The following CXCL14 variants were observed in gnomAD, a reference collection of about 807,000 sequenced individuals.
CXCL14 encodes the protein C-X-C motif chemokine 14.
Under a neutral mutation model 16.1 loss-of-function variants are expected in CXCL14, and 9 were observed. The observed-to-expected ratio is 0.56, with a 90% CI of 0.34 to 0.97. The LOEUF (loss-of-function observed/expected upper bound fraction) is 0.97. Among genes scored for constraint, CXCL14 ranks in the 50% least tolerant of loss-of-function variants. The pLI is 0.02. For missense variants in CXCL14, 111 were observed against 132.5 expected (o/e 0.84, Z 0.80); for synonymous variants, 55 against 52.8 (o/e 1.04, Z -0.18).
intron 3 of CXCL14, among the ~76,000 whole-genome samples, chr5:135,573,709 C>CGTGT (rs3057739): frequency 0.031 from 4,513 of 145,468 alleles, 118 homozygotes; most frequent in African/African-American, 0.075. Context: ...TGCATGCATG[C>CGTGT]GTGTGTGTGT....
Position 135,578,732 on chromosome 5 carries a change from T to A in CXCL14, c.47A>T (p.Tyr16Phe). The change falls in exon 1 of 4, where the codon TAC becomes TTC. Residue 16 changes from tyrosine to phenylalanine, a missense_variant. Tyr to Phe is a conservative substitution (Grantham distance 22, BLOSUM62 3). Transcript: ENST00000512158. ...GCACTCACCGTCCACACGCGCGGTG[T>A]ACAGCGCCAGCAGCAGCAGGAGCAG... is the stretch of plus-strand genomic sequence containing the variant. ...AALLLLLLAL[Y>F]TARVDGSKCK... is the part of the protein sequence containing the mutation. 1.3e-6 allele frequency: 2 copies of A among 1,549,500 alleles called. No homozygotes were observed. The highest frequency in any genetic ancestry group is 1.7e-6 in the Non-Finnish European group (2 of 1,146,746).
chr5:135,578,953 G>GTGCGCTGCGCTC lies in CXCL14; in HGVS notation c.-187_-176dup. 1 of 635,218 alleles carries GTGCGCTGCGCTC rather than the reference G, an allele frequency of 1.6e-6. No individual in the cohort carries two copies. Among genetic ancestry groups the GTGCGCTGCGCTC allele is most frequent in the South Asian group, 2.5e-5 (1 of 39,924 alleles). The allele number at this position is 635,218 out of a possible 1,614,324, so 39.3% of individuals were successfully genotyped here. The stretch of plus-strand genomic sequence containing the variant: ...TGGATGCCCAGGGCTGTCTGTGGCC[G>GTGCGCTGCGCTC]TGCGCTGCGCTCTGCGCTTGTCTCC... On this transcript the variant is annotated 5_prime_UTR_variant, in exon 1 of 4. Transcript: ENST00000512158.
In CXCL14 at chr5:135,578,854, G is replaced by T. The variant is rs1477051052; in HGVS notation, c.-76C>A. On this transcript the variant is annotated 5_prime_UTR_variant, in exon 1 of 4. Coordinates refer to ENST00000512158, the MANE Select transcript of CXCL14 (RefSeq NM_004887.5). ...CCCGTCGGAGCGGCGGCCCGGAGAC[G>T]CCACCCAGCTCTGCTCGGCTTTCTC... 5.6e-6 allele frequency: 8 copies of T among 1,429,406 alleles called. No homozygotes were observed. The highest frequency in any genetic ancestry group is 3.0e-5 in the African/African-American group (2 of 67,542). 88.5% of individuals were successfully genotyped at this position (1,429,406 alleles called of 1,614,324 possible).
In CXCL14 at chr5:135,574,562, C is replaced by CG; in HGVS notation, c.284+9dup. 6.2e-7 allele frequency: 1 copy of CG among 1,603,310 alleles called. No individual in the cohort carries two copies. Among genetic ancestry groups the CG allele is most frequent in the African/African-American group, 1.3e-5 (1 of 74,866 alleles). On this transcript the variant is annotated intron_variant, in intron 3 of 3. Coordinates refer to ENST00000512158, the MANE Select transcript of CXCL14 (RefSeq NM_004887.5). The stretch of plus-strand genomic sequence containing the variant: ...TGGTGGGAAGGAAGGTGAGTAGAGG[C>CG]GGGGCGTACCTGCGCTTCTCGTTCC...
In CXCL14 at chr5:135,578,836, G is replaced by A. The variant is rs1195049233; in HGVS notation, c.-58C>T. On this transcript the variant is annotated 5_prime_UTR_variant, in exon 1 of 4. Coordinates refer to ENST00000512158, the MANE Select transcript of CXCL14 (RefSeq NM_004887.5). ...ACATGGGGAGGGCGCTGGCCCGTCG[G>A]AGCGGCGGCCCGGAGACGCCACCCA... 6.8e-7 allele frequency: 1 copy of A among 1,478,056 alleles called. No homozygotes were observed. Among genetic ancestry groups the A allele is most frequent in the Non-Finnish European group, 8.9e-7 (1 of 1,120,654 alleles). The allele number at this position is 1,478,056 out of a possible 1,614,324, so 91.6% of individuals were successfully genotyped here.
chr5:135,574,485 T>G, intron 3 of CXCL14, 87 bp downstream of exon 3: 1 of 983,396 alleles, frequency 1.0e-6, no homozygotes. Flanking sequence ...TAGATGGGGC[T>G]AGATGACCTG....
intron 3 of CXCL14, 76 bp downstream of exon 3, chr5:135,574,496 G>GT (rs773843703): frequency 5.7e-5 from 66 of 1,166,306 alleles, no homozygotes; most frequent in Non-Finnish European, 8.2e-5. Context: ...AGATGACCTG[G>GT]TGGGGGGGTC....
intron 3 of CXCL14, among the ~76,000 whole-genome samples, chr5:135,572,656 C>T (rs918833098): frequency 5.3e-5 from 8 of 152,214 alleles, no homozygotes; most frequent in Non-Finnish European, 1.0e-4. Flanking sequence ...CTGAGTAAGA[C>T]CACTGAATTA....
Position 135,571,238 on chromosome 5 carries a change from C to G in CXCL14, c.*615G>C, listed in dbSNP as rs955114855. The G allele has an allele frequency of 2.0e-5, 3 of 152,360 alleles. No individual in the cohort carries two copies. The highest frequency in any genetic ancestry group is 6.5e-5 in the Admixed American group (1 of 15,302). The allele number at this position is 152,360 out of a possible 1,614,324, so 9.4% of individuals were successfully genotyped here. Reference sequence around the variant, plus strand: ...GTTTCCTAGGGTGTGTAAAAATTAACCAGGGGGGAATGAAGCACATTTTTC... The same window carrying G: ...GTTTCCTAGGGTGTGTAAAAATTAAGCAGGGGGGAATGAAGCACATTTTTC... On this transcript the variant is annotated 3_prime_UTR_variant, in exon 4 of 4. Coordinates refer to ENST00000512158, the MANE Select transcript of CXCL14 (RefSeq NM_004887.5).
intron 3 of CXCL14, among the ~76,000 whole-genome samples, chr5:135,572,522 C>T (rs1020198948): frequency 6.6e-6 from 1 of 152,150 alleles, no homozygotes; most frequent in Non-Finnish European, 1.5e-5. Context: ...CCCAGCCCCA[C>T]CTTCCCCTCA....
At position 135,578,748 on chromosome 5, in the gene CXCL14, G is replaced by C. The variant is rs1399094044; in HGVS notation, c.31C>G (p.Leu11Val). Residue 11 changes from leucine (L) to valine (V), a missense_variant, in exon 1 of 4, where the codon CTG becomes GTG. Transcript: ENST00000512158. ...CGCGCGGTGTACAGCGCCAGCAGCA[G>C]CAGGAGCAGCGCGGCCGCCAGGAGC... MRLLAAALLL[L>V]LLALYTARVD... 4 of 1,546,716 alleles carry C rather than the reference G, an allele frequency of 2.6e-6. No homozygotes were observed. The highest frequency in any genetic ancestry group is 2.7e-5 in the African/African-American group (2 of 72,744).
At chr5:135,574,518 T>G in intron 3 of CXCL14, 54 bp downstream of exon 3, 5 of 1,481,710 alleles carry the variant, frequency 3.4e-6, no homozygotes, top group African/African-American at 1.4e-5. Context: ...CTTCCCATCC[T>G]GAGAGCCACA....
intron 3 of CXCL14, among the ~76,000 whole-genome samples, chr5:135,573,014 C>T (rs974815858): frequency 2.0e-5 from 3 of 151,550 alleles, no homozygotes; most frequent in Non-Finnish European, 2.9e-5. Context: ...GAGAGGCTCT[C>T]GTTGCTTTTG....
chr5:135,577,873 T>A (rs757669727), intron 2 of CXCL14, among the ~76,000 whole-genome samples: 4 of 152,206 alleles, frequency 2.6e-5, no homozygotes, highest in Non-Finnish European at 5.9e-5. Flanking sequence ...CTGCTCCGTA[T>A]TGGGGACCCA....
rs375752265 is a variant in CXCL14 at position 135,578,694 on chromosome 5, AG to A, written c.64+20del. ...GACAGGACAAGACGAGACGGCGACAAGGGGAGCTCCCCGCACTCACCGTCCA... is the reference window on the plus strand; with the variant it reads ...GACAGGACAAGACGAGACGGCGACAAGGGAGCTCCCCGCACTCACCGTCCA... On this transcript the variant is annotated intron_variant, in intron 1 of 3. Coordinates refer to ENST00000512158, the MANE Select transcript of CXCL14 (RefSeq NM_004887.5). 6.4e-6 allele frequency: 10 copies of A among 1,553,396 alleles called. No individual in the cohort carries two copies. In the African/African-American group the frequency reaches 1.4e-4, roughly 21 times the overall value.
At chr5:135,573,562 C>T (rs1751054691) in intron 3 of CXCL14, among the ~76,000 whole-genome samples, 1 of 152,112 alleles carries the variant, frequency 6.6e-6, no homozygotes. Flanking sequence ...GGGGTAGCAC[C>T]AGGAGGCCTG....
At position 135,571,943 on chromosome 5, in the gene CXCL14, T is replaced by C; in HGVS notation, c.285-75A>G. On this transcript the variant is annotated intron_variant, in intron 3 of 3. Transcript: ENST00000512158. ...GTTCACAAGATGCTGGCTAAGCGGC[T>C]TCATTCACGTCTGGTCTGCAGGGAA... is the stretch of plus-strand genomic sequence containing the variant. 6 of 1,478,242 alleles carry C rather than the reference T, an allele frequency of 4.1e-6. No individual in the cohort carries two copies. In the South Asian group the frequency reaches 6.9e-5, roughly 17 times the overall value. 91.6% of individuals were successfully genotyped at this position (1,478,242 alleles called of 1,614,324 possible). A position where few individuals can be genotyped will look rare whatever the true frequency, so the allele number is the denominator to read the frequency against.
intron 2 of CXCL14, 50 bp from the exon 3 acceptor site, chr5:135,574,735 T>G: frequency 6.8e-7 from 1 of 1,469,398 alleles, no homozygotes; most frequent in Non-Finnish European, 9.5e-7. Context: ...GAATAACATG[T>G]TGCCTCTTGT....
Position 135,571,627 on chromosome 5 carries a change from G to T in CXCL14, c.*226C>A. 7.8e-6 allele frequency: 4 copies of T among 516,106 alleles called. No homozygotes were observed. In the South Asian group the frequency reaches 9.2e-5, roughly 12 times the overall value. 32.0% of individuals were successfully genotyped at this position (516,106 alleles called of 1,614,324 possible). On this transcript the variant is annotated 3_prime_UTR_variant, in exon 4 of 4. Transcript: ENST00000512158. ...TGAAGTCTGGAGCACAAGAGAGATG[G>T]GTCTCCCATCTGGAAGCCTTTCGCA...
Sources: allele counts gnomAD v4.1 joint callset (sites outside exome capture counted in the v4.1 genomes callset), GRCh38; gene constraint gnomAD v4.1.1; transcripts MANE v1.5; gene names NCBI Gene and HGNC (gene_info 2026-07-23, HGNC 2026-07-21).